SALL3: variants seen among roughly 807,000 people sequenced by gnomAD.
SALL3 encodes the protein sal-like protein 3.
Under a neutral mutation model 66.2 loss-of-function variants are expected in SALL3, and 25 were observed. The ratio of observed to expected loss-of-function variants is 0.38; its 90% CI spans 0.28 to 0.53. The LOEUF is 0.53. SALL3 is among the 20% of genes least tolerant of loss of function. The pLI is 0.85. For missense variants in SALL3, 2,194 were observed against 1,916.5 expected (o/e 1.14, Z -2.70); for synonymous variants, 1,152 against 899.1 (o/e 1.28, Z -5.03).
At position 78,995,240 on chromosome 18, in the gene SALL3, C is replaced by T. The variant is rs774736357; in HGVS notation, c.3249C>T (p.Gly1083=). The change falls in exon 2 of 3, where the codon GGC becomes GGT. Residue 1083 remains glycine (G), a synonymous_variant. Transcript: ENST00000537592. ...GCGAGGGTCCCCCGCTGCCCGCGGG[C>T]GTCCAGGTCCCCGCCGGGCCTCAGA... The part of the protein sequence containing the change: ...ALGEGPPLPA[G]VQVPAGPQTV... The T allele has an allele frequency of 1.7e-5, 27 of 1,602,102 alleles. No homozygotes were observed. The highest frequency in any genetic ancestry group is 2.2e-5 in the Non-Finnish European group (26 of 1,178,630).
At position 78,997,435 on chromosome 18, in the gene SALL3, CTT is replaced by C. The variant is rs1192569447; in HGVS notation, c.*115_*116del. On this transcript the variant is annotated 3_prime_UTR_variant, in exon 3 of 3. Transcript: ENST00000537592. Reference sequence around the variant, plus strand: ...ACACTTTCACCCATAGCAGAAAACACTTTGTGCGGCTGCCGAGAGGTGGTCTT... The same window carrying C: ...ACACTTTCACCCATAGCAGAAAACACTGTGCGGCTGCCGAGAGGTGGTCTT... The C allele has an allele frequency of 9.3e-6, 10 of 1,072,036 alleles. No individual in the cohort carries two copies. The East Asian group carries it at 2.2e-4, about 24-fold the overall frequency. The allele number at this position is 1,072,036 out of a possible 1,614,324, so 66.4% of individuals were successfully genotyped here. A position where few individuals can be genotyped will look rare whatever the true frequency, so the allele number is the denominator to read the frequency against.
In SALL3 at chr18:78,992,074, C is replaced by A; in HGVS notation, c.83C>A (p.Ala28Asp). Reference protein sequence around the residue: ...LLPPDGAPEHAAPGEGAEDAD... With the variant: ...LLPPDGAPEHDAPGEGAEDAD... ...CTGACTCACTCTCTTGGTCTTGCAGCCGCCCCGGGGGAAGGTGCGGAGGAC... is the reference window on the plus strand; with the variant it reads ...CTGACTCACTCTCTTGGTCTTGCAGACGCCCCGGGGGAAGGTGCGGAGGAC... The change falls in exon 2 of 3, where the codon GCC (alanine) becomes GAC (aspartate). Residue 28 changes from alanine to aspartate, a missense_variant and splice_region_variant. Ala to Asp is a moderately radical substitution (Grantham distance 126). Coordinates refer to ENST00000537592, the MANE Select transcript of SALL3 (RefSeq NM_171999.4). 6.7e-7 allele frequency: 1 copy of A among 1,481,574 alleles called. No individual in the cohort carries two copies. Among genetic ancestry groups the A allele is most frequent in the Non-Finnish European group, 9.0e-7 (1 of 1,112,778 alleles). The allele number at this position is 1,481,574 out of a possible 1,614,324, so 91.8% of individuals were successfully genotyped here.
At position 78,995,108 on chromosome 18, in the gene SALL3, C is replaced by T. The variant is rs764295804; in HGVS notation, c.3117C>T (p.Pro1039=). The T allele has an allele frequency of 6.2e-7, 1 of 1,613,882 alleles. No homozygotes were observed. Among genetic ancestry groups the T allele is most frequent in the African/African-American group, 1.3e-5 (1 of 75,064 alleles). The change falls in exon 2 of 3, where the codon CCC becomes CCT. Residue 1039 remains proline, a synonymous_variant. Coordinates refer to ENST00000537592, the MANE Select transcript of SALL3 (RefSeq NM_171999.4). ...AGCTGCCTTCTCAGTTATTTGACCC[C>T]AACTTTGCTCTAGGTCCCAGCCAAA... is the stretch of plus-strand genomic sequence containing the variant. ...LKELPSQLFD[P]NFALGPSQST...
Position 78,997,111 on chromosome 18 carries a change from C to T in SALL3, c.3692C>T (p.Ser1231Phe). 6.2e-7 allele frequency: 1 copy of T among 1,614,104 alleles called. No individual in the cohort carries two copies. The highest frequency in any genetic ancestry group is 8.5e-7 in the Non-Finnish European group (1 of 1,180,042). The change falls in exon 3 of 3, where the codon TCC becomes TTC. Residue 1231 changes from serine to phenylalanine, a missense_variant. Transcript: ENST00000537592. ...NGLAMKNNEI[S>F]VIQNGGIPQL... ...CTCGCCATGAAGAACAACGAGATCT[C>T]CGTCATCCAGAACGGCGGCATCCCC...
Position 78,992,430 on chromosome 18 carries a change from C to G in SALL3, c.439C>G (p.Pro147Ala). 7.4e-7 allele frequency: 1 copy of G among 1,353,476 alleles called. No individual in the cohort carries two copies. Among genetic ancestry groups the G allele is most frequent in the Non-Finnish European group, 9.4e-7 (1 of 1,062,004 alleles). The allele number at this position is 1,353,476 out of a possible 1,614,324, so 83.8% of individuals were successfully genotyped here. The stretch of plus-strand genomic sequence containing the variant: ...CGCGGGGGACACGCGCGCGCCCCGG[C>G]CCCCGCCTGCGGCCCCTGCACCCCC... ...EPAGDTRAPR[P>A]PPAAPAPPTP... The change falls in exon 2 of 3, where the codon CCC becomes GCC. Residue 147 changes from proline (P) to alanine (A), a missense_variant. Transcript: ENST00000537592.
rs749811334 is a variant in SALL3, at chr18:78,997,285, G to A, written c.3866G>A (p.Arg1289Gln). 47 of 1,613,912 alleles carry A rather than the reference G, an allele frequency of 2.9e-5. No homozygotes were observed. Among genetic ancestry groups the A allele is most frequent in the South Asian group, 3.3e-5 (3 of 91,068 alleles). Residue 1289 changes from arginine to glutamine, a missense_variant, in exon 3 of 3, where the codon CGG becomes CAG. By Grantham distance (43) the Arg-to-Gln change is conservative (BLOSUM62 1). Coordinates refer to ENST00000537592, the MANE Select transcript of SALL3 (RefSeq NM_171999.4). ...ACAGCAGCCAGCCGCCCATTCACGC[G>A]GTTTATCGAGGATAACAAGGAGATT... ...SETAASRPFT[R>Q]FIEDNKEIGI...
In SALL3 at chr18:78,979,891, G is replaced by C. The variant is rs1402170105; in HGVS notation, c.-384G>C. Among the ~76,000 whole-genome samples the C allele has an allele frequency of 5.5e-5, 8 of 144,714 alleles. No individual in the cohort carries two copies. Among genetic ancestry groups the C allele is most frequent in the Admixed American group, 4.1e-4 (6 of 14,652 alleles). 94.9% of individuals were successfully genotyped at this position (144,714 alleles called of 152,430 possible). A position where few individuals can be genotyped will look rare whatever the true frequency, so the allele number is the denominator to read the frequency against. ...CGGAGGGACGGCCACCGCGGCCCGC[G>C]CCGCACCCGGGCCCCGCCACAGCCG... On this transcript the variant is annotated 5_prime_UTR_variant, in exon 1 of 3. Coordinates refer to ENST00000537592, the MANE Select transcript of SALL3 (RefSeq NM_171999.4).
In SALL3 at chr18:78,993,610, A is replaced by G. The variant is rs1488990075; in HGVS notation, c.1619A>G (p.Tyr540Cys). 2.5e-6 allele frequency: 4 copies of G among 1,585,312 alleles called. No individual in the cohort carries two copies. The highest frequency in any genetic ancestry group is 3.4e-5 in the Admixed American group (2 of 58,570). The change falls in exon 2 of 3, where the codon TAC becomes TGC. Residue 540 changes from tyrosine to cysteine, a missense_variant. By Grantham distance (194) the Tyr-to-Cys change is radical (BLOSUM62 -2). Coordinates refer to ENST00000537592, the MANE Select transcript of SALL3 (RefSeq NM_171999.4). Reference protein sequence around the residue: ...LPPTVPGAHGYADSPSATPAS... With the variant: ...LPPTVPGAHGCADSPSATPAS... ...CCCACTGTCCCTGGCGCGCACGGCT[A>G]CGCCGACTCTCCCAGCGCCACCCCA...
chr18:78,995,692 G>A (rs1253635528), intron 2 of SALL3, among the ~76,000 whole-genome samples: 1 of 32,890 alleles, frequency 3.0e-5, no homozygotes, highest in Non-Finnish European at 5.7e-5. Context: ...GTGTGCAGGT[G>A]TGTATGGGTC....
At chr18:78,996,864 C>T (rs373462849) in intron 2 of SALL3, 27 bp from the exon 3 acceptor site, 37 of 1,576,726 alleles carry the variant, frequency 2.3e-5, no homozygotes, top group Middle Eastern at 2.1e-4. Flanking sequence ...GGCACTTACT[C>T]GTGGGCTGTC....
intron 1 of SALL3, among the ~76,000 whole-genome samples, chr18:78,990,536 ATTCTC>A (rs1914394943): frequency 6.6e-6 from 1 of 152,242 alleles, no homozygotes; most frequent in Non-Finnish European, 1.5e-5. Context: ...AAAAATCAGA[ATTCTC>A]TATTGAACTC....
intron 1 of SALL3, among the ~76,000 whole-genome samples, chr18:78,991,383 T>TGG (rs72117247): frequency 0.14 from 12,970 of 91,220 alleles, 1,196 homozygotes; most frequent in East Asian, 0.25. Flanking sequence ...AGTACAAGGG[T>TGG]GGGGGGGGGG....
intron 1 of SALL3, chr18:78,991,762 C>T (rs959760724): frequency 5.8e-6 from 2 of 342,818 alleles, no homozygotes; most frequent in Non-Finnish European, 1.0e-5. Flanking sequence ...CTAATGAGCC[C>T]ATCGAAAGCC....
At chr18:78,983,778 C>G (rs1914151731) in intron 1 of SALL3, among the ~76,000 whole-genome samples, 1 of 152,210 alleles carries the variant, frequency 6.6e-6, no homozygotes, top group Non-Finnish European at 1.5e-5. Flanking sequence ...TACTTTCTAA[C>G]ATTCACAGGC....
intron 1 of SALL3, among the ~76,000 whole-genome samples, chr18:78,982,923 G>A (rs886619198): frequency 1.3e-5 from 2 of 152,076 alleles, no homozygotes; most frequent in East Asian, 3.8e-4. Flanking sequence ...TATAATGGGG[G>A]ACAGAGATGC....
intron 1 of SALL3, among the ~76,000 whole-genome samples, chr18:78,981,423 T>C (rs2981423): frequency 0.078 from 11,924 of 152,262 alleles, 609 homozygotes; most frequent in African/African-American, 0.14. Flanking sequence ...TGACCTGTTA[T>C]AAGTTGTTGG....
Position 78,995,353 on chromosome 18 carries a change from CCTT to C in SALL3, c.3365_3367del (p.Phe1122del). The C allele has an allele frequency of 6.3e-7, 1 of 1,576,240 alleles. No homozygotes were observed. Among genetic ancestry groups the C allele is most frequent in the Non-Finnish European group, 8.6e-7 (1 of 1,168,180 alleles). Reference sequence around the variant, plus strand: ...CACAACTGCCAGTCGTGCGGGAAGACCTTCTCCTCGGCCAGCGCCCTGCAGATC... The same window carrying C: ...CACAACTGCCAGTCGTGCGGGAAGACCTCCTCGGCCAGCGCCCTGCAGATC... On this transcript the variant is annotated inframe_deletion, in exon 2 of 3. Coordinates refer to ENST00000537592, the MANE Select transcript of SALL3 (RefSeq NM_171999.4).
chr18:78,992,864 G>T lies in SALL3; in HGVS notation c.873G>T (p.Pro291=). The T allele has an allele frequency of 4.1e-6, 4 of 984,036 alleles. No individual in the cohort carries two copies. The highest frequency in any genetic ancestry group is 4.8e-6 in the Non-Finnish European group (4 of 830,654). 61.0% of individuals were successfully genotyped at this position (984,036 alleles called of 1,614,324 possible). The change falls in exon 2 of 3, where the codon CCG becomes CCT. Residue 291 remains proline (P), a synonymous_variant. Transcript: ENST00000537592. ...CGGCCGCCTTCGAGGGCGCGCAGCCGCTGTCCCGGCCCGAGTCTGGCGCCA... is the reference window on the plus strand; with the variant it reads ...CGGCCGCCTTCGAGGGCGCGCAGCCTCTGTCCCGGCCCGAGTCTGGCGCCA... ...AAPAAFEGAQ[P]LSRPESGAST...
At position 78,994,902 on chromosome 18, in the gene SALL3, C is replaced by T. The variant is rs755464847; in HGVS notation, c.2911C>T (p.Arg971Trp). 7 of 1,612,374 alleles carry T rather than the reference C, an allele frequency of 4.3e-6. No homozygotes were observed. In the African/African-American group the frequency reaches 5.3e-5, roughly 12 times the overall value. ...CAGCCTGCTGTTCCTGAGCAGGGAGCGGGGTAAGTGTCCCAGCACTGTGTG... is the reference window on the plus strand; with the variant it reads ...CAGCCTGCTGTTCCTGAGCAGGGAGTGGGGTAAGTGTCCCAGCACTGTGTG... The part of the protein sequence containing the change: ...PFSLLFLSRE[R>W]GKCPSTVCGV... The change falls in exon 2 of 3, where the codon CGG becomes TGG. Residue 971 changes from arginine (R) to tryptophan (W), a missense_variant. By Grantham distance (101) the Arg-to-Trp change is moderately radical. Coordinates refer to ENST00000537592, the MANE Select transcript of SALL3 (RefSeq NM_171999.4).
Sources: allele counts gnomAD v4.1 joint callset (sites outside exome capture counted in the v4.1 genomes callset), GRCh38; gene constraint gnomAD v4.1.1; transcripts MANE v1.5; gene names NCBI Gene and HGNC (gene_info 2026-07-23, HGNC 2026-07-21).